ANKS1B: variants seen among roughly 807,000 people sequenced by gnomAD.
ANKS1B encodes the protein ankyrin repeat and sterile alpha motif domain-containing protein 1B.
ANKS1B carries 36 observed loss-of-function variants against 148.3 expected under a neutral mutation model. The ratio of observed to expected loss-of-function variants is 0.24; its 90% CI spans 0.19 to 0.32. The LOEUF (loss-of-function observed/expected upper bound fraction) is 0.32. Among genes scored for constraint, ANKS1B ranks in the 10% least tolerant of loss-of-function variants. The probability of loss-of-function intolerance (pLI) is 1.00; values close to 1 mark genes in which losing one functional copy is unlikely to be tolerated. For synonymous variants in ANKS1B, 542 were observed against 560.8 expected (o/e 0.97, Z 0.47); for missense variants, 1,157 against 1,542.6 (o/e 0.75, Z 4.19).
intron 10 of ANKS1B, among the ~76,000 whole-genome samples, chr12:99,451,869 CTAT>C (rs1004773055): frequency 1.2e-4 from 18 of 151,898 alleles, no homozygotes; most frequent in African/African-American, 3.9e-4. Context: ...TTATCTATTA[CTAT>C]TATTATCAGA....
chr12:99,962,899 C>T (rs976089516), intron 1 of ANKS1B, among the ~76,000 whole-genome samples: 14 of 151,798 alleles, frequency 9.2e-5, no homozygotes, highest in South Asian at 4.2e-4. Context: ...CTGCCGGCTC[C>T]GCCTCCCGGG....
intron 11 of ANKS1B, among the ~76,000 whole-genome samples, chr12:99,413,376 T>C (rs12425972): frequency 0.27 from 40,355 of 151,892 alleles, 5,539 homozygotes; most frequent in East Asian, 0.43. Flanking sequence ...CACCACACTA[T>C]AGGTAAAGCA....
At chr12:99,454,469 G>C (rs1411476059) in intron 10 of ANKS1B, among the ~76,000 whole-genome samples, 1 of 152,202 alleles carries the variant, frequency 6.6e-6, no homozygotes, top group Non-Finnish European at 1.5e-5. Context: ...TTCTAGCAAA[G>C]AGTCAAAAAC....
intron 8 of ANKS1B, among the ~76,000 whole-genome samples, chr12:99,716,108 AC>A: frequency 6.6e-6 from 1 of 150,636 alleles, no homozygotes; most frequent in Non-Finnish European, 1.5e-5. Context: ...CCCTGTCTCT[AC>A]CCCTTCTCTG....
intron 17 of ANKS1B, among the ~76,000 whole-genome samples, chr12:99,050,765 C>T (rs2099965470): frequency 7.0e-6 from 1 of 143,166 alleles, no homozygotes; most frequent in Non-Finnish European, 1.5e-5. Context: ...GATCTCTGCT[C>T]ACTGCAAGCT....
At chr12:99,026,718 C>T (rs1157999999) in intron 17 of ANKS1B, among the ~76,000 whole-genome samples, 1 of 152,096 alleles carries the variant, frequency 6.6e-6, no homozygotes, top group Admixed American at 6.5e-5. Context: ...ATTGCATTTG[C>T]AACCAAGAAC....
intron 9 of ANKS1B, among the ~76,000 whole-genome samples, chr12:99,617,480 T>C (rs1440711123): frequency 6.6e-6 from 1 of 150,410 alleles, no homozygotes; most frequent in Non-Finnish European, 1.5e-5. Flanking sequence ...GTTCTTGTCC[T>C]TTGCAGGGAC....
At chr12:99,475,252 A>G (rs2096299806) in intron 10 of ANKS1B, among the ~76,000 whole-genome samples, 1 of 151,556 alleles carries the variant, frequency 6.6e-6, no homozygotes, top group African/African-American at 2.4e-5. Flanking sequence ...TTCAAAAAAA[A>G]AAGAAAAAAA....
intron 17 of ANKS1B, among the ~76,000 whole-genome samples, chr12:98,972,926 T>A (rs2099884651): frequency 6.6e-6 from 1 of 152,166 alleles, no homozygotes; most frequent in African/African-American, 2.4e-5. Context: ...ATTGCAGACT[T>A]ATGGGATAAA....
At chr12:99,858,331 T>C (rs2089504022) in intron 1 of ANKS1B, among the ~76,000 whole-genome samples, 1 of 151,658 alleles carries the variant, frequency 6.6e-6, no homozygotes, top group African/African-American at 2.4e-5. Flanking sequence ...CAATACCACC[T>C]TACTCCTGCA....
rs192193613 is a variant in ANKS1B, at chr12:98,810,486, G to A, written c.3067-2568C>T. ...TAAGCCCTTTTCCTTCGAAGTACCCGTCTCTGGGGTCTTGGTTGGAGGTGC... is the reference window on the plus strand; with the variant it reads ...TAAGCCCTTTTCCTTCGAAGTACCCATCTCTGGGGTCTTGGTTGGAGGTGC... On this transcript the variant is annotated intron_variant, in intron 19 of 26. Coordinates refer to ENST00000683438, the MANE Select transcript of ANKS1B (RefSeq NM_001352186.2). 2.4e-4 allele frequency among the ~76,000 whole-genome samples: 36 copies of A among 152,292 alleles called. No individual in the cohort carries two copies. The East Asian group carries it at 5.6e-3, about 24-fold the overall frequency.
At chr12:99,404,511 G>C (rs547688232) in intron 11 of ANKS1B, among the ~76,000 whole-genome samples, 1 of 145,538 alleles carries the variant, frequency 6.9e-6, no homozygotes, top group East Asian at 1.9e-4. Context: ...GTATACTGAA[G>C]AATGCATTAG....
At chr12:99,644,164 T>A (rs552621270) in intron 9 of ANKS1B, among the ~76,000 whole-genome samples, 1 of 152,350 alleles carries the variant, frequency 6.6e-6, no homozygotes, top group South Asian at 2.1e-4. Context: ...CTAGATCTGC[T>A]TTGCACATAA....
chr12:98,800,853 A>T, intron 21 of ANKS1B, 144 bp downstream of exon 21: 1 of 1,063,500 alleles, frequency 9.4e-7, no homozygotes, highest in Non-Finnish European at 1.3e-6. Flanking sequence ...AGGCTACTTT[A>T]AGAAAAAGTG....
chr12:99,413,446 T>A (rs985938563), intron 11 of ANKS1B, among the ~76,000 whole-genome samples: 3 of 152,216 alleles, frequency 2.0e-5, no homozygotes, highest in Non-Finnish European at 4.4e-5. Flanking sequence ...GAGTTTCTCA[T>A]CTTTATATCA....
intron 12 of ANKS1B, among the ~76,000 whole-genome samples, chr12:99,334,213 G>C (rs1437631701): frequency 6.6e-6 from 1 of 151,764 alleles, no homozygotes; most frequent in African/African-American, 2.4e-5. Context: ...TAGATACATA[G>C]ATACATAGAA....
chr12:99,605,817 A>G (rs1244102792), intron 9 of ANKS1B, among the ~76,000 whole-genome samples: 3 of 152,006 alleles, frequency 2.0e-5, no homozygotes, highest in Admixed American at 1.3e-4. Context: ...TATTTTTTTG[A>G]CACACTGACT....
At chr12:99,712,400 G>A (rs191233575) in intron 8 of ANKS1B, among the ~76,000 whole-genome samples, 1 of 152,250 alleles carries the variant, frequency 6.6e-6, no homozygotes, top group Admixed American at 6.5e-5. Flanking sequence ...GTTCCTGAGA[G>A]TGAGAGATTA....
At chr12:98,834,132 A>G (rs1235058409) in intron 17 of ANKS1B, among the ~76,000 whole-genome samples, 1 of 152,196 alleles carries the variant, frequency 6.6e-6, no homozygotes, top group Non-Finnish European at 1.5e-5. Context: ...CCCATGCACC[A>G]TATCCCTATG....
Sources: allele counts gnomAD v4.1 joint callset (sites outside exome capture counted in the v4.1 genomes callset), GRCh38; gene constraint gnomAD v4.1.1; transcripts MANE v1.5; gene names NCBI Gene and HGNC (gene_info 2026-07-23, HGNC 2026-07-21).